The following MKLN1 variants were observed in gnomAD, a reference collection of about 807,000 sequenced individuals.
MKLN1 encodes the protein muskelin.
A neutral mutation model predicts 99.0 loss-of-function variants in MKLN1; 18 were observed. That is an observed-to-expected ratio of 0.18 (90% CI 0.13 to 0.27). MKLN1 has a LOEUF of 0.27. Ranked by LOEUF, MKLN1 falls within the 10% of genes least tolerant of loss-of-function variation. The probability of loss-of-function intolerance (pLI) is 1.00; values close to 1 mark genes in which losing one functional copy is unlikely to be tolerated. For synonymous variants in MKLN1, 288 were observed against 293.2 expected (o/e 0.98, Z 0.18); for missense variants, 621 against 875.9 (o/e 0.71, Z 3.67).
intron 3 of MKLN1, among the ~76,000 whole-genome samples, chr7:131,257,889 G>C (rs1217018428): frequency 6.6e-6 from 1 of 152,172 alleles, no homozygotes; most frequent in Admixed American, 6.5e-5. Context: ...GGAGGCCAAG[G>C]TGGGAGGATC....
At chr7:131,482,654 A>G (rs1483228022) in intron 17 of MKLN1, among the ~76,000 whole-genome samples, 1 of 152,196 alleles carries the variant, frequency 6.6e-6, no homozygotes, top group Non-Finnish European at 1.5e-5. Context: ...TCTTGAGCCC[A>G]GGAGTTTGAA....
chr7:131,399,188 C>T lies in MKLN1; in HGVS notation c.511-53C>T, dbSNP rs1435529657. ...TTTTTACTGTTGTTATTGTTTCCTA[C>T]AGTATCATCTAACCAAATCTCTTCT... is the stretch of plus-strand genomic sequence containing the variant. On this transcript the variant is annotated intron_variant, in intron 5 of 17. Transcript: ENST00000352689. 2.1e-6 allele frequency: 3 copies of T among 1,449,544 alleles called. No homozygotes were observed. The South Asian group carries it at 3.5e-5, about 17-fold the overall frequency. The allele number at this position is 1,449,544 out of a possible 1,614,324, so 89.8% of individuals were successfully genotyped here.
chr7:131,144,496 A>G (rs962942799), intron 2 of MKLN1, among the ~76,000 whole-genome samples: 42 of 145,704 alleles, frequency 2.9e-4, no homozygotes, highest in Non-Finnish European at 5.5e-4. Flanking sequence ...AAAAAAAAAA[A>G]GTTTTTCTTT....
chr7:131,278,152 C>G (rs1027387092), intron 3 of MKLN1, among the ~76,000 whole-genome samples: 1 of 152,136 alleles, frequency 6.6e-6, no homozygotes, highest in African/African-American at 2.4e-5. Context: ...AAGCCAATCT[C>G]CCACCTCAGC....
intron 2 of MKLN1, among the ~76,000 whole-genome samples, chr7:131,172,105 A>C (rs1390211893): frequency 6.6e-6 from 1 of 152,034 alleles, no homozygotes; most frequent in Non-Finnish European, 1.5e-5. Flanking sequence ...TAATCTGTCC[A>C]CACAAGAATT....
chr7:131,185,510 C>T (rs535215882), intron 2 of MKLN1, among the ~76,000 whole-genome samples: 29 of 151,898 alleles, frequency 1.9e-4, no homozygotes, highest in Middle Eastern at 3.4e-3. Flanking sequence ...TCGCTTGAAC[C>T]TGGGAAGCAG....
intron 3 of MKLN1, among the ~76,000 whole-genome samples, chr7:131,255,768 A>G (rs1221260208): frequency 2.6e-5 from 4 of 151,794 alleles, no homozygotes; most frequent in Non-Finnish European, 5.9e-5. Context: ...TTTAGTAGAG[A>G]CTGGGTTTCA....
chr7:131,273,371 C>T (rs574668135), intron 3 of MKLN1, among the ~76,000 whole-genome samples: 5 of 152,292 alleles, frequency 3.3e-5, no homozygotes, highest in African/African-American at 1.2e-4. Context: ...CATCAGATTT[C>T]CCTGGAGGAC....
chr7:131,143,899 T>A (rs1309434849), intron 2 of MKLN1, among the ~76,000 whole-genome samples: 1 of 152,164 alleles, frequency 6.6e-6, no homozygotes, highest in African/African-American at 2.4e-5. Context: ...CTGGGCCAGT[T>A]TAATAATGCA....
At chr7:131,446,392 T>G (rs1343322544) in intron 12 of MKLN1, among the ~76,000 whole-genome samples, 19 of 152,344 alleles carry the variant, frequency 1.2e-4, no homozygotes, top group Non-Finnish European at 2.9e-5. Flanking sequence ...CCTGGCATAA[T>G]TATTAATAGT....
intron 12 of MKLN1, among the ~76,000 whole-genome samples, chr7:131,454,350 G>T (rs1480922677): frequency 6.6e-6 from 1 of 152,144 alleles, no homozygotes; most frequent in Non-Finnish European, 1.5e-5. Context: ...ATACAGCTGA[G>T]ATAAATCAGT....
At chr7:131,258,970 C>G (rs1797695280) in intron 3 of MKLN1, among the ~76,000 whole-genome samples, 1 of 152,120 alleles carries the variant, frequency 6.6e-6, no homozygotes, top group African/African-American at 2.4e-5. Context: ...TGTGATTAAG[C>G]AGCTTAAACT....
rs71578965 is a variant in MKLN1 at position 131,367,607 on chromosome 7, C to T, written c.99-7817C>T. ...CTAGTGCATGGTCTCTCAAGATACC[C>T]CTCCTTCTGTTCTACATCTGCTTCA... On this transcript the variant is annotated intron_variant, in intron 1 of 17. Coordinates refer to ENST00000352689, the MANE Select transcript of MKLN1 (RefSeq NM_013255.5). Among the ~76,000 whole-genome samples the T allele has an allele frequency of 9.0e-3, 1,366 of 152,184 alleles. 11 individuals carry two copies. The highest frequency in any genetic ancestry group is 0.021 in the South Asian group (100 of 4,824).
At chr7:131,190,304 C>T (rs909183520) in intron 2 of MKLN1, among the ~76,000 whole-genome samples, 5 of 152,088 alleles carry the variant, frequency 3.3e-5, no homozygotes, top group Non-Finnish European at 7.4e-5. Flanking sequence ...GACATTCCTT[C>T]CTTCCTGCAG....
intron 3 of MKLN1, among the ~76,000 whole-genome samples, chr7:131,306,583 C>G (rs1214881477): frequency 2.0e-5 from 3 of 152,182 alleles, no homozygotes; most frequent in Admixed American, 1.3e-4. Context: ...CCCTAGAGAG[C>G]TGTGAAGCTA....
In MKLN1 at chr7:131,399,330, C is replaced by T. The variant is rs927031786; in HGVS notation, c.600C>T (p.Thr200=). 3.1e-6 allele frequency: 5 copies of T among 1,613,940 alleles called. No homozygotes were observed. Among genetic ancestry groups the T allele is most frequent in the Non-Finnish European group, 4.2e-6 (5 of 1,179,906 alleles). ...CTTTTGAGTCACTGCAAAAGAAAAC[C>T]AAGATTGCACTGGAACATCCCATGT... is the stretch of plus-strand genomic sequence containing the variant. The part of the protein sequence containing the change: ...TEAFESLQKK[T]KIALEHPMLT... The change falls in exon 6 of 18, where the codon ACC becomes ACT. Residue 200 remains threonine, a synonymous_variant. Coordinates refer to ENST00000352689, the MANE Select transcript of MKLN1 (RefSeq NM_013255.5).
In MKLN1 at chr7:131,490,461, AT is replaced by A. The variant is rs1320951093; in HGVS notation, c.*2737del. 3.3e-5 allele frequency: 5 copies of A among 152,584 alleles called. No homozygotes were observed. Among genetic ancestry groups the A allele is most frequent in the African/African-American group, 1.2e-4 (5 of 41,460 alleles). 9.5% of individuals were successfully genotyped at this position (152,584 alleles called of 1,614,324 possible). A position where few individuals can be genotyped will look rare whatever the true frequency, so the allele number is the denominator to read the frequency against. On this transcript the variant is annotated 3_prime_UTR_variant, in exon 18 of 18. Coordinates refer to ENST00000352689, the MANE Select transcript of MKLN1 (RefSeq NM_013255.5). ...CAAGACACCTCTTAAGTGCATTTGC[AT>A]TTTATTTTGGTAATGGCAGAGACCT... is the stretch of plus-strand genomic sequence containing the variant.
rs770960187 is a variant in MKLN1 at position 131,218,056 on chromosome 7, T to C, written c.-179+15082T>C. Among the ~76,000 whole-genome samples the C allele has an allele frequency of 5.3e-5, 8 of 152,294 alleles. No homozygotes were observed. In the Middle Eastern group the frequency reaches 0.01, roughly 194 times the overall value. On this transcript the variant is annotated intron_variant, in intron 3 of 7. Coordinates refer to the MKLN1 transcript ENST00000416992. ...GCAGGAGCTAGGGAATGGGGAATGCTGATTGGTTGGGTTGGGATGAAATCA... is the reference window on the plus strand; with the variant it reads ...GCAGGAGCTAGGGAATGGGGAATGCCGATTGGTTGGGTTGGGATGAAATCA...
At chr7:131,300,653 C>T (rs1798363188) in intron 3 of MKLN1, among the ~76,000 whole-genome samples, 1 of 149,132 alleles carries the variant, frequency 6.7e-6, no homozygotes, top group Non-Finnish European at 1.5e-5. Flanking sequence ...CGCCACTGCA[C>T]TCCAGTGTGA....
Sources: allele counts gnomAD v4.1 joint callset (sites outside exome capture counted in the v4.1 genomes callset), GRCh38; gene constraint gnomAD v4.1.1; transcripts MANE v1.5; gene names NCBI Gene and HGNC (gene_info 2026-07-23, HGNC 2026-07-21).